TMPRSS3: variants seen among roughly 807,000 people sequenced by gnomAD.
The protein encoded by TMPRSS3 is transmembrane serine protease 3.
Under a neutral mutation model 59.6 loss-of-function variants are expected in TMPRSS3, and 55 were observed. That is an observed-to-expected ratio of 0.92 (90% CI 0.74 to 1.16). TMPRSS3 has a LOEUF of 1.16. Among genes scored for constraint, TMPRSS3 ranks in the 50% most tolerant of loss-of-function variants. TMPRSS3 has a pLI of 0.00. For missense variants in TMPRSS3, 596 were observed against 579.4 expected (o/e 1.03, Z -0.29); for synonymous variants, 257 against 237.7 (o/e 1.08, Z -0.75).
At chr21:42,385,695 C>T (rs1601527493) in intron 5 of TMPRSS3, among the ~76,000 whole-genome samples, 161 bp from the exon 6 acceptor site, 1 of 152,218 alleles carries the variant, frequency 6.6e-6, no homozygotes, top group African/African-American at 2.4e-5. Flanking sequence ...ATGAAGTTCA[C>T]TCACCCTGGC....
Position 42,382,103 on chromosome 21 carries a change from A to G in TMPRSS3, c.914T>C (p.Ile305Thr), listed in dbSNP as rs2052542107. The G allele has an allele frequency of 6.2e-7, 1 of 1,614,218 alleles. No homozygotes were observed. The highest frequency in any genetic ancestry group is 8.5e-7 in the Non-Finnish European group (1 of 1,180,034). Reference protein sequence around the residue: ...KYKPKRLGNDIALMKLAGPLT... With the variant: ...KYKPKRLGNDTALMKLAGPLT... ...TGGCCCGGCCAGCTTCATAAGGGCGATGTCATTGCCCAGCCTCTTTGGCTT... is the reference window on the plus strand; with the variant it reads ...TGGCCCGGCCAGCTTCATAAGGGCGGTGTCATTGCCCAGCCTCTTTGGCTT... The change falls in exon 9 of 13, where the codon ATC (isoleucine) becomes ACC (threonine). Residue 305 changes from isoleucine to threonine, a missense_variant. Coordinates refer to ENST00000644384, the MANE Select transcript of TMPRSS3 (RefSeq NM_001256317.3).
chr21:42,376,396 G>A, intron 11 of TMPRSS3, 145 bp downstream of exon 11: 1 of 1,229,356 alleles, frequency 8.1e-7, no homozygotes. Flanking sequence ...CTGGCAGCCA[G>A]GAAAAGGAGT....
At chr21:42,386,390 G>A (rs979237027) in intron 5 of TMPRSS3, among the ~76,000 whole-genome samples, 19 of 152,202 alleles carry the variant, frequency 1.2e-4, no homozygotes, top group African/African-American at 4.6e-4. Context: ...CACGACCTTC[G>A]CAGCCCTTCC....
At position 42,395,410 on chromosome 21, in the gene TMPRSS3, TC is replaced by T. The variant is rs1568894367; in HGVS notation, c.7del (p.Glu3LysfsTer22). On this transcript the variant is annotated frameshift_variant, in exon 2 of 13. Transcript: ENST00000644384. LOFTEE classifies it high-confidence loss of function. ...GGCTTCAACAGCAGGCGGATCATTT[TC>T]CCCCATGGTGACTATTTCAGGACCT... MGENDPPAVEAPF... is the reference protein window; with the variant it reads MGXNDPPAVEAPF... The T allele has an allele frequency of 1.2e-6, 2 of 1,613,974 alleles. No individual in the cohort carries two copies. Among genetic ancestry groups the T allele is most frequent in the South Asian group, 2.2e-5 (2 of 91,086 alleles).
intron 7 of TMPRSS3, 30 bp downstream of exon 7, chr21:42,383,940 C>A: frequency 6.2e-7 from 1 of 1,613,622 alleles, no homozygotes; most frequent in Non-Finnish European, 8.5e-7. Flanking sequence ...GCTTGCTCCC[C>A]CTGGACCCCT....
intron 7 of TMPRSS3, 59 bp from the exon 8 acceptor site, chr21:42,383,257 T>TG: frequency 1.9e-6 from 3 of 1,580,274 alleles, no homozygotes; most frequent in South Asian, 1.1e-5. Flanking sequence ...GGGGACATGG[T>TG]GTCACCACCA....
chr21:42,391,393 C>T (rs1482102251), intron 2 of TMPRSS3, among the ~76,000 whole-genome samples: 2 of 152,210 alleles, frequency 1.3e-5, no homozygotes, highest in African/African-American at 4.8e-5. Flanking sequence ...TGTGCACAGA[C>T]ACTGACAGCT....
chr21:42,372,922 G>T, intron 12 of TMPRSS3, 143 bp from the exon 13 acceptor site: 1 of 947,744 alleles, frequency 1.1e-6, no homozygotes. Context: ...CCTCCCCCTG[G>T]GGCTGCCAGC....
chr21:42,387,539 A>G (rs1419637974), intron 5 of TMPRSS3, among the ~76,000 whole-genome samples: 1 of 152,136 alleles, frequency 6.6e-6, no homozygotes, highest in Non-Finnish European at 1.5e-5. Context: ...GGCAGACCTC[A>G]GGGCTGGAGG....
chr21:42,389,862 G>T (rs551583177), intron 3 of TMPRSS3, 65 bp downstream of exon 3: 30 of 1,203,406 alleles, frequency 2.5e-5, no homozygotes, highest in Admixed American at 1.0e-4. Flanking sequence ...GAGAGGGGGC[G>T]CTCATGAAAG....
At chr21:42,372,927 G>A (rs2052359973) in intron 12 of TMPRSS3, 148 bp from the exon 13 acceptor site, 2 of 897,248 alleles carry the variant, frequency 2.2e-6, no homozygotes, top group Non-Finnish European at 3.6e-6. Flanking sequence ...CCCTGGGGCT[G>A]CCAGCTCTGA....
rs1260151173 is a variant in TMPRSS3 at position 42,390,441 on chromosome 21, A to G, written c.95-404T>C. On this transcript the variant is annotated intron_variant, in intron 2 of 12. Transcript: ENST00000644384. Reference sequence around the variant, plus strand: ...GGCTGTTGCCCTTATAAAAAGGGGGAAAACAGCCGGGTGCAGTGGCTCACT... The same window carrying G: ...GGCTGTTGCCCTTATAAAAAGGGGGGAAACAGCCGGGTGCAGTGGCTCACT... 3 of 245,034 alleles carry G rather than the reference A, an allele frequency of 1.2e-5. No individual in the cohort carries two copies. The Admixed American group carries it at 1.5e-4, about 12-fold the overall frequency. 15.2% of individuals were successfully genotyped at this position (245,034 alleles called of 1,614,324 possible).
chr21:42,387,015 T>C (rs1479698755), intron 5 of TMPRSS3, among the ~76,000 whole-genome samples: 1 of 152,110 alleles, frequency 6.6e-6, no homozygotes, highest in African/African-American at 2.4e-5. Flanking sequence ...CTGGATTTCC[T>C]TGTAGAGGGA....
At chr21:42,389,844 G>A (rs571510773) in intron 3 of TMPRSS3, 83 bp downstream of exon 3, 2 of 1,067,508 alleles carry the variant, frequency 1.9e-6, no homozygotes, top group Admixed American at 3.5e-5. Context: ...GCAGCAAAAT[G>A]CTGGGATGAG....
At chr21:42,375,486 C>G (rs1251692618) in intron 12 of TMPRSS3, among the ~76,000 whole-genome samples, 1 of 151,998 alleles carries the variant, frequency 6.6e-6, no homozygotes, top group Non-Finnish European at 1.5e-5. Flanking sequence ...TCCTCCCGGG[C>G]CCCAGCTCCT....
rs1321039929 is a variant in TMPRSS3 at position 42,388,206 on chromosome 21, G to A, written c.446+197C>T. Among the ~76,000 whole-genome samples the A allele has an allele frequency of 6.6e-6, 1 of 152,230 alleles. No individual in the cohort carries two copies. The highest frequency in any genetic ancestry group is 1.5e-5 in the Non-Finnish European group (1 of 68,040). ...ACATGCCACTTCCCATGTGCCTTGA[G>A]CAAGTCACTTAGCCTGTCTGGCCTT... On this transcript the variant is annotated intron_variant, in intron 5 of 12. Coordinates refer to ENST00000644384, the MANE Select transcript of TMPRSS3 (RefSeq NM_001256317.3). This position sits in a 1 kb window ranked among gnomAD's most constrained non-coding sequence, Gnocchi z 5.1.
chr21:42,378,858 T>C (rs1358059688), intron 10 of TMPRSS3, among the ~76,000 whole-genome samples: 1 of 146,860 alleles, frequency 6.8e-6, no homozygotes, highest in Non-Finnish European at 1.5e-5. Flanking sequence ...GGGACCACCA[T>C]GTCAGGCTAA....
At chr21:42,383,776 C>T (rs1336332661) in intron 7 of TMPRSS3, 194 bp downstream of exon 7, 1 of 723,228 alleles carries the variant, frequency 1.4e-6, no homozygotes, top group Non-Finnish European at 2.6e-6. Context: ...GTCTCCCCCA[C>T]CTGACAGGTG....
chr21:42,395,425 A>G lies in TMPRSS3; in HGVS notation c.-8T>C, dbSNP rs2146461870. The G allele has an allele frequency of 6.2e-7, 1 of 1,613,470 alleles. No homozygotes were observed. The highest frequency in any genetic ancestry group is 8.5e-7 in the Non-Finnish European group (1 of 1,179,414). ...CGGATCATTTTCCCCCATGGTGACT[A>G]TTTCAGGACCTCTGACATCCGGCTC... On this transcript the variant is annotated 5_prime_UTR_variant, in exon 2 of 13. It removes the in-frame stop codon of an upstream open reading frame in the 5' UTR. Coordinates refer to ENST00000644384, the MANE Select transcript of TMPRSS3 (RefSeq NM_001256317.3).
Sources: allele counts gnomAD v4.1 joint callset (sites outside exome capture counted in the v4.1 genomes callset), GRCh38; gene constraint gnomAD v4.1.1; non-coding constraint Gnocchi (gnomAD v3.1); transcripts MANE v1.5; gene names NCBI Gene and HGNC (gene_info 2026-07-23, HGNC 2026-07-21).